Variants in ACTL8 observed in about 807,000 individuals in gnomAD.
ACTL8 encodes the protein actin-like protein 8.
In ACTL8, 3 loss-of-function variants were observed where a neutral mutation model predicts 9.3. The ratio of observed to expected loss-of-function variants is 0.32; its 90% CI spans 0.15 to 0.83. The LOEUF (loss-of-function observed/expected upper bound fraction) is 0.83, where lower values mean the gene tolerates loss of function less well. ACTL8 is among the 40% of genes least tolerant of loss of function. The probability of loss-of-function intolerance (pLI) is 0.57; values close to 1 mark genes in which losing one functional copy is unlikely to be tolerated. For synonymous variants in ACTL8, 224 were observed against 205.9 expected (o/e 1.09, Z -0.75); for missense variants, 381 against 492.2 (o/e 0.77, Z 2.14).
intron 1 of ACTL8, among the ~76,000 whole-genome samples, chr1:17,764,176 C>T (rs1030104270): frequency 5.3e-5 from 8 of 152,130 alleles, no homozygotes; most frequent in African/African-American, 1.9e-4. Flanking sequence ...CAGTTCCCGG[C>T]TGACAGTGGG....
intron 1 of ACTL8, among the ~76,000 whole-genome samples, chr1:17,760,808 C>T (rs1416338599): frequency 6.6e-6 from 1 of 152,208 alleles, no homozygotes; most frequent in Non-Finnish European, 1.5e-5. Flanking sequence ...CTTGCCTGTC[C>T]AAGCCCCGAG....
At chr1:17,765,320 G>A (rs1279316922) in intron 1 of ACTL8, among the ~76,000 whole-genome samples, 2 of 152,198 alleles carry the variant, frequency 1.3e-5, no homozygotes, top group African/African-American at 4.8e-5. Flanking sequence ...TCACTGTGGT[G>A]TCCTGGTGCC....
chr1:17,773,440 C>T (rs1041732148), intron 1 of ACTL8, among the ~76,000 whole-genome samples: 2 of 152,212 alleles, frequency 1.3e-5, no homozygotes, highest in Non-Finnish European at 2.9e-5. Flanking sequence ...TTTCCTAGCA[C>T]GCAGCAAGCA....
intron 1 of ACTL8, among the ~76,000 whole-genome samples, chr1:17,790,900 C>A (rs868491599): frequency 6.6e-6 from 1 of 152,228 alleles, no homozygotes; most frequent in Admixed American, 6.5e-5. Context: ...CTTTCCTGAC[C>A]GTGTGCACAT....
intron 1 of ACTL8, among the ~76,000 whole-genome samples, chr1:17,788,177 A>G (rs528519463): frequency 6.6e-6 from 1 of 152,284 alleles, no homozygotes; most frequent in African/African-American, 2.4e-5. Flanking sequence ...TTATTTTGCC[A>G]GAGATGTTGT....
chr1:17,825,445 C>T (rs998802673), intron 2 of ACTL8, among the ~76,000 whole-genome samples: 1 of 152,136 alleles, frequency 6.6e-6, no homozygotes, highest in Non-Finnish European at 1.5e-5. Context: ...GTTCAGGCTG[C>T]ACATGTGACC....
At chr1:17,792,680 C>G (rs1435879811) in intron 1 of ACTL8, among the ~76,000 whole-genome samples, 1 of 152,226 alleles carries the variant, frequency 6.6e-6, no homozygotes, top group Non-Finnish European at 1.5e-5. Context: ...GGCTCCTTGT[C>G]TCCTCTTGGA....
intron 1 of ACTL8, among the ~76,000 whole-genome samples, chr1:17,788,430 G>A (rs1466531020): frequency 6.6e-6 from 1 of 152,234 alleles, no homozygotes; most frequent in African/African-American, 2.4e-5. Flanking sequence ...ATACAAGTGT[G>A]CCCAGCTCTG....
chr1:17,826,313 G>A lies in ACTL8; in HGVS notation c.895G>A (p.Gly299Arg), dbSNP rs2053721919. 3.1e-6 allele frequency: 5 copies of A among 1,612,308 alleles called. No individual in the cohort carries two copies. Among genetic ancestry groups the A allele is most frequent in the East Asian group, 2.2e-5 (1 of 44,840 alleles). The change falls in exon 3 of 3, where the codon GGG becomes AGG. Residue 299 changes from glycine (G) to arginine (R), a missense_variant. By Grantham distance (125) the Gly-to-Arg change is moderately radical. This residue lies in a region of ACTL8 where 243 missense variants were observed against 276.2 expected (regional missense o/e 0.88). Coordinates refer to ENST00000375406, the MANE Select transcript of ACTL8 (RefSeq NM_030812.3). The surrounding 1 kb of genome is among the most constrained non-coding windows in gnomAD (Gnocchi z 4.5). ...GCTGGTCTCCCACGTGATGGCCTGC[G>A]GGGGCAACACCCTCTATCCCGGGTT... ...PLLVSHVMAC[G>R]GNTLYPGFTK...
chr1:17,761,779 C>T (rs552524374), intron 1 of ACTL8, among the ~76,000 whole-genome samples: 1 of 152,274 alleles, frequency 6.6e-6, no homozygotes, highest in South Asian at 2.1e-4. Flanking sequence ...CCATGTTGGC[C>T]AGGCTTGTCT....
At chr1:17,808,833 C>T (rs896489379) in intron 1 of ACTL8, among the ~76,000 whole-genome samples, 3 of 152,234 alleles carry the variant, frequency 2.0e-5, no homozygotes, top group South Asian at 2.1e-4. Flanking sequence ...GTAGAAAGGA[C>T]GGAATTCTCC....
chr1:17,812,788 TG>T (rs755547375), intron 1 of ACTL8, among the ~76,000 whole-genome samples: 8 of 152,060 alleles, frequency 5.3e-5, no homozygotes, highest in East Asian at 1.9e-4. Flanking sequence ...CCACCACACC[TG>T]GCCATCTCTC....
At chr1:17,799,472 C>A (rs868098569) in intron 1 of ACTL8, among the ~76,000 whole-genome samples, 2 of 144,302 alleles carry the variant, frequency 1.4e-5, no homozygotes, top group Non-Finnish European at 3.0e-5. Flanking sequence ...TTTTTTTTTT[C>A]TTGTTGGTTT....
intron 1 of ACTL8, among the ~76,000 whole-genome samples, chr1:17,772,273 C>G (rs2066088155): frequency 6.6e-6 from 1 of 152,178 alleles, no homozygotes; most frequent in Admixed American, 6.5e-5. Flanking sequence ...ATGAACTGCA[C>G]TTTGGATCGG....
At position 17,826,226 on chromosome 1, in the gene ACTL8, C is replaced by T. The variant is rs982031545; in HGVS notation, c.808C>T (p.Pro270Ser). The T allele has an allele frequency of 1.9e-6, 3 of 1,613,256 alleles. No individual in the cohort carries two copies. In the African/African-American group the frequency reaches 4.0e-5, roughly 22 times the overall value. Residue 270 changes from proline (P) to serine (S), a missense_variant, in exon 3 of 3, where the codon CCC becomes TCC. Physicochemically the swap from Pro to Ser is moderately conservative, Grantham distance 74. Coordinates refer to ENST00000375406, the MANE Select transcript of ACTL8 (RefSeq NM_030812.3). This position sits in a 1 kb window ranked among gnomAD's most constrained non-coding sequence, Gnocchi z 4.5. ...FSPQVFEQPG[P>S]SIPRAIVESV... ...CCCGCAGGTGTTCGAGCAGCCGGGGCCCAGCATCCCACGGGCCATTGTGGA... is the reference window on the plus strand; with the variant it reads ...CCCGCAGGTGTTCGAGCAGCCGGGGTCCAGCATCCCACGGGCCATTGTGGA...
intron 1 of ACTL8, among the ~76,000 whole-genome samples, chr1:17,817,690 C>A (rs2066437106): frequency 6.9e-6 from 1 of 144,378 alleles, no homozygotes; most frequent in Non-Finnish European, 1.5e-5. Context: ...AACCACTTTT[C>A]TTTTTTCTTT....
At chr1:17,777,059 G>T (rs2066123851) in intron 1 of ACTL8, among the ~76,000 whole-genome samples, 1 of 143,746 alleles carries the variant, frequency 7.0e-6, no homozygotes, top group African/African-American at 2.6e-5. Context: ...CTGGGCCTGG[G>T]CCCAAGTGAT....
intron 1 of ACTL8, among the ~76,000 whole-genome samples, chr1:17,820,496 C>T (rs2053646982): frequency 6.6e-6 from 1 of 151,654 alleles, no homozygotes; most frequent in Non-Finnish European, 1.5e-5. Context: ...TTTGTGTGAA[C>T]GTACGTTTTC....
chr1:17,774,906 A>G (rs1005746133), intron 1 of ACTL8, among the ~76,000 whole-genome samples: 1 of 152,088 alleles, frequency 6.6e-6, no homozygotes, highest in Non-Finnish European at 1.5e-5. Flanking sequence ...GGGTGGATGT[A>G]CCTGCCATGC....
Sources: allele counts gnomAD v4.1 joint callset (sites outside exome capture counted in the v4.1 genomes callset), GRCh38; gene constraint gnomAD v4.1.1; regional missense constraint gnomAD v4.1.1; non-coding constraint Gnocchi (gnomAD v3.1); transcripts MANE v1.5; gene names NCBI Gene and HGNC (gene_info 2026-07-23, HGNC 2026-07-21).